Variants in PSMC5 observed in about 807,000 individuals in gnomAD.
The protein encoded by PSMC5 is proteasome 26S subunit, ATPase 5, also known as 26S proteasome regulatory subunit 8.
A neutral mutation model predicts 49.1 loss-of-function variants in PSMC5; 11 were observed. The ratio of observed to expected loss-of-function variants is 0.22; its 90% CI spans 0.14 to 0.37. The LOEUF (loss-of-function observed/expected upper bound fraction) is 0.37. Ranked by LOEUF, PSMC5 falls within the 10% of genes least tolerant of loss-of-function variation. The pLI is 1.00. For synonymous variants in PSMC5, 206 were observed against 192.2 expected (o/e 1.07, Z -0.59); for missense variants, 229 against 520.9 (o/e 0.44, Z 5.45).
chr17:63,827,520 G>A lies in PSMC5; in HGVS notation c.24+6G>A, dbSNP rs1179048985. ...CGCTTGACGGACCAGAGCAGGTATG[G>A]CGGGTGCAGTGGCGGCCCGGCAGGT... On this transcript the variant is annotated splice_donor_region_variant and intron_variant, in intron 1 of 11. Transcript: ENST00000310144. 6.4e-7 allele frequency: 1 copy of A among 1,551,712 alleles called. No homozygotes were observed. Among genetic ancestry groups the A allele is most frequent in the African/African-American group, 1.4e-5 (1 of 73,188 alleles).
rs778595685 is a variant in PSMC5, at chr17:63,828,179, A to G, written c.66A>G (p.Gln22=). The G allele has an allele frequency of 1.2e-6, 2 of 1,614,028 alleles. No homozygotes were observed. Among genetic ancestry groups the G allele is most frequent in the African/African-American group, 2.7e-5 (2 of 74,920 alleles). ...EEGKAGSGLR[Q]YYLSKIEELQ... ...GGAAGGCAGGCAGCGGACTCCGCCAATATTATCTGTCCAAGATTGAAGAAC... is the reference window on the plus strand; with the variant it reads ...GGAAGGCAGGCAGCGGACTCCGCCAGTATTATCTGTCCAAGATTGAAGAAC... The change falls in exon 2 of 12, where the codon CAA becomes CAG. Residue 22 remains glutamine (Q), a synonymous_variant. Transcript: ENST00000310144.
chr17:63,829,970 G>A (rs1346831094), intron 4 of PSMC5, 21 bp downstream of exon 4: 1 of 1,598,238 alleles, frequency 6.3e-7, no homozygotes, highest in South Asian at 1.1e-5. Flanking sequence ...CATGACCCCA[G>A]GGACCAGCTC....
intron 3 of PSMC5, 48 bp from the exon 4 acceptor site, chr17:63,829,804 G>T: frequency 6.3e-7 from 1 of 1,575,574 alleles, no homozygotes; most frequent in South Asian, 1.1e-5. Context: ...GGGTCCTGGA[G>T]ACTCCAAAGG....
Position 63,831,637 on chromosome 17 carries a change from A to G in PSMC5, c.1080+21A>G. On this transcript the variant is annotated intron_variant, in intron 10 of 11. Transcript: ENST00000310144. This position sits in a 1 kb window ranked among gnomAD's most constrained non-coding sequence, Gnocchi z 6.3. Reference sequence around the variant, plus strand: ...TGAAGGTAATTGGAGTACCCACTGAAAACAGGGCAGAGGCAGGAAGCTCTG... The same window carrying G: ...TGAAGGTAATTGGAGTACCCACTGAGAACAGGGCAGAGGCAGGAAGCTCTG... 1 of 1,613,646 alleles carries G rather than the reference A, an allele frequency of 6.2e-7. No homozygotes were observed. The highest frequency in any genetic ancestry group is 8.5e-7 in the Non-Finnish European group (1 of 1,179,562).
rs2040161106 is a variant in PSMC5, at chr17:63,829,886, G to A, written c.201G>A (p.Gln67=). The A allele has an allele frequency of 3.7e-6, 6 of 1,614,134 alleles. No homozygotes were observed. In the East Asian group the frequency reaches 1.3e-4, roughly 36 times the overall value. ...TGCGGGAGGAGCTACAGCTGCTGCAGGAGCAGGGCTCCTATGTGGGGGAAG... is the reference window on the plus strand; with the variant it reads ...TGCGGGAGGAGCTACAGCTGCTGCAAGAGCAGGGCTCCTATGTGGGGGAAG... The part of the protein sequence containing the change: ...RLLREELQLL[Q]EQGSYVGEVV... Residue 67 remains glutamine (Q), a synonymous_variant, in exon 4 of 12, where the codon CAG becomes CAA. Coordinates refer to ENST00000310144, the MANE Select transcript of PSMC5 (RefSeq NM_002805.6).
intron 1 of PSMC5, 183 bp from the exon 2 acceptor site, chr17:63,827,955 C>T (rs547233793): frequency 3.1e-6 from 4 of 1,308,376 alleles, no homozygotes; most frequent in South Asian, 1.5e-5. Flanking sequence ...TTATTTTAGT[C>T]CTGGGAAAAT....
At position 63,830,203 on chromosome 17, in the gene PSMC5, G is replaced by C; in HGVS notation, c.321+14G>C. ...GACATCAATGATGTGAGTGTAGCAG[G>C]TGAGGTGGTGGTGGTGGTGGGGTCA... On this transcript the variant is annotated intron_variant, in intron 5 of 11. Coordinates refer to ENST00000310144, the MANE Select transcript of PSMC5 (RefSeq NM_002805.6). The surrounding 1 kb of genome is among the most constrained non-coding windows in gnomAD (Gnocchi z 4.0). 1 of 1,614,126 alleles carries C rather than the reference G, an allele frequency of 6.2e-7. No homozygotes were observed. Among genetic ancestry groups the C allele is most frequent in the African/African-American group, 1.3e-5 (1 of 75,020 alleles).
chr17:63,831,868 G>A lies in PSMC5; in HGVS notation c.1168-48G>A, dbSNP rs759249653. ...GGTGGCTCTGGGGCAGTGGGCTAGGGCATGTGTGTGTTCGTAACTTAATGT... is the reference window on the plus strand; with the variant it reads ...GGTGGCTCTGGGGCAGTGGGCTAGGACATGTGTGTGTTCGTAACTTAATGT... On this transcript the variant is annotated intron_variant, in intron 11 of 11. Coordinates refer to ENST00000310144, the MANE Select transcript of PSMC5 (RefSeq NM_002805.6). The surrounding 1 kb of genome is among the most constrained non-coding windows in gnomAD (Gnocchi z 6.3). 4.3e-6 allele frequency: 7 copies of A among 1,612,464 alleles called. No individual in the cohort carries two copies. Among genetic ancestry groups the A allele is most frequent in the African/African-American group, 1.3e-5 (1 of 74,852 alleles).
chr17:63,829,735 A>G, intron 3 of PSMC5, 117 bp from the exon 4 acceptor site: 1 of 1,285,896 alleles, frequency 7.8e-7, no homozygotes, highest in Non-Finnish European at 1.1e-6. Flanking sequence ...TAAATACATG[A>G]ATTTTGACCT....
chr17:63,828,055 A>G, intron 1 of PSMC5, 83 bp from the exon 2 acceptor site: 1 of 1,519,256 alleles, frequency 6.6e-7, no homozygotes, highest in Non-Finnish European at 9.1e-7. Context: ...ACCTGGTGTC[A>G]AGCCTTATTC....
chr17:63,829,968 C>T lies in PSMC5; in HGVS notation c.264+19C>T. 1 of 1,598,290 alleles carries T rather than the reference C, an allele frequency of 6.3e-7. No individual in the cohort carries two copies. The highest frequency in any genetic ancestry group is 1.7e-5 in the Admixed American group (1 of 58,744). ...GGTCAAGGTAAAAGCAGCATGACCC[C>T]AGGGACCAGCTCGGTCTCCACTGCA... On this transcript the variant is annotated intron_variant, in intron 4 of 11. Transcript: ENST00000310144.
Position 63,828,126 on chromosome 17 carries a change from C to T in PSMC5, c.25-12C>T, listed in dbSNP as rs150638118. The T allele has an allele frequency of 2.1e-4, 334 of 1,613,830 alleles. 2 individuals carry two copies. The African/African-American group carries it at 4.1e-3, about 20-fold the overall frequency. On this transcript the variant is annotated splice_polypyrimidine_tract_variant and intron_variant, in intron 1 of 11. Coordinates refer to ENST00000310144, the MANE Select transcript of PSMC5 (RefSeq NM_002805.6). The stretch of plus-strand genomic sequence containing the variant: ...TTTAACCTGTCGTTTAAGACTCACT[C>T]TGTGTCTTCAGATGGAGCTGGAGGA...
Position 63,827,632 on chromosome 17 carries a change from G to C in PSMC5, c.24+118G>C, listed in dbSNP as rs2040125729. The C allele has an allele frequency of 2.6e-6, 4 of 1,539,340 alleles. No homozygotes were observed. In the South Asian group the frequency reaches 3.6e-5, roughly 14 times the overall value. ...GGGTGGGTCGGAGGTGCCTGGACCA[G>C]TCCATGCTGGACGCTGCCTGCGACC... On this transcript the variant is annotated intron_variant, in intron 1 of 11. Transcript: ENST00000310144.
At chr17:63,828,235 A>G in intron 2 of PSMC5, 26 bp downstream of exon 2, 1 of 1,609,586 alleles carries the variant, frequency 6.2e-7, no homozygotes, top group East Asian at 2.2e-5. Context: ...AGAGGGAGCT[A>G]GGAAGGGTGA....
chr17:63,829,665 C>G (rs1032305803), intron 3 of PSMC5, 102 bp downstream of exon 3: 1 of 1,280,534 alleles, frequency 7.8e-7, no homozygotes, highest in African/African-American at 1.5e-5. Context: ...TGTTTTCTCC[C>G]TGTCATCATC....
intron 2 of PSMC5, chr17:63,828,486 T>C: frequency 3.1e-6 from 1 of 317,518 alleles, no homozygotes; most frequent in Non-Finnish European, 5.9e-6. Context: ...AGGTCAACCC[T>C]TTTGGAAGAA....
chr17:63,829,015 GT>G (rs1250731258), intron 2 of PSMC5: 1 of 154,710 alleles, frequency 6.5e-6, no homozygotes, highest in African/African-American at 2.4e-5. Flanking sequence ...TTTTTCATGT[GT>G]TTTTATTCGT....
intron 2 of PSMC5, chr17:63,828,841 A>AG (rs1300227194): frequency 6.5e-6 from 1 of 153,830 alleles, no homozygotes; most frequent in East Asian, 1.9e-4. Context: ...GGCTGTTAGT[A>AG]GTTTAACTTT....
At chr17:63,827,590 G>T in intron 1 of PSMC5, 76 bp downstream of exon 1, 1 of 1,550,934 alleles carries the variant, frequency 6.4e-7, no homozygotes, top group Non-Finnish European at 8.7e-7. Flanking sequence ...TGGAGAGCGG[G>T]CCGGGGCAGG....
Sources: allele counts gnomAD v4.1 joint callset, GRCh38; gene constraint gnomAD v4.1.1; non-coding constraint Gnocchi (gnomAD v3.1); transcripts MANE v1.5; gene names NCBI Gene and HGNC (gene_info 2026-07-23, HGNC 2026-07-21).